The following ZNF804A variants were observed in gnomAD, a reference collection of about 807,000 sequenced individuals.
ZNF804A encodes zinc finger protein 804A.
Under a neutral mutation model 16.5 loss-of-function variants are expected in ZNF804A, and 2 were observed. The ratio of observed to expected loss-of-function variants is 0.12; its 90% CI spans 0.05 to 0.38. The LOEUF (loss-of-function observed/expected upper bound fraction) is 0.38, where lower values mean the gene tolerates loss of function less well. Ranked by LOEUF, ZNF804A falls within the 10% of genes least tolerant of loss-of-function variation. ZNF804A has a pLI of 0.99. For missense variants in ZNF804A, 1,473 were observed against 1,390.7 expected (o/e 1.06, Z -0.94); for synonymous variants, 534 against 489.6 (o/e 1.09, Z -1.20).
chr2:184,827,215 A>T (rs1220403598), intron 1 of ZNF804A, among the ~76,000 whole-genome samples: 1 of 151,490 alleles, frequency 6.6e-6, no homozygotes, highest in African/African-American at 2.4e-5. Context: ...ATCTGGTTCT[A>T]TTATAGATGA....
chr2:184,625,453 T>A (rs1395784743), intron 1 of ZNF804A, among the ~76,000 whole-genome samples: 1 of 152,096 alleles, frequency 6.6e-6, no homozygotes. Context: ...GATCTATGTT[T>A]TCAGTGTAAT....
At chr2:184,604,873 A>T (rs973894293) in intron 1 of ZNF804A, among the ~76,000 whole-genome samples, 2 of 152,160 alleles carry the variant, frequency 1.3e-5, no homozygotes, top group African/African-American at 4.8e-5. Context: ...AATATCTAGG[A>T]TCTCTATCAT....
At chr2:184,894,266 A>G (rs2105823884) in intron 2 of ZNF804A, among the ~76,000 whole-genome samples, 1 of 152,308 alleles carries the variant, frequency 6.6e-6, no homozygotes, top group Non-Finnish European at 1.5e-5. Context: ...CATGCCATTA[A>G]GAAAAATCAA....
At chr2:184,865,925 A>G (rs980473622) in intron 1 of ZNF804A, among the ~76,000 whole-genome samples, 5 of 152,226 alleles carry the variant, frequency 3.3e-5, no homozygotes, top group Non-Finnish European at 7.3e-5. Context: ...TGAAACAAAC[A>G]AAATACAAAA....
intron 2 of ZNF804A, among the ~76,000 whole-genome samples, chr2:184,889,275 A>G (rs185421542): frequency 6.6e-6 from 1 of 152,054 alleles, no homozygotes; most frequent in East Asian, 1.9e-4. Context: ...GGATCTGAAA[A>G]TGAATATGAA....
At chr2:184,616,015 G>A (rs1691313563) in intron 1 of ZNF804A, among the ~76,000 whole-genome samples, 1 of 152,028 alleles carries the variant, frequency 6.6e-6, no homozygotes, top group African/African-American at 2.4e-5. Context: ...GATTCAACAG[G>A]GTCACCTTTG....
intron 1 of ZNF804A, among the ~76,000 whole-genome samples, chr2:184,654,773 C>A (rs1291434775): frequency 6.6e-6 from 1 of 152,148 alleles, no homozygotes; most frequent in Admixed American, 6.5e-5. Flanking sequence ...TCATGGTCAT[C>A]ATGTTAAGAA....
chr2:184,782,975 T>C (rs1694394274), intron 1 of ZNF804A, among the ~76,000 whole-genome samples: 1 of 150,842 alleles, frequency 6.6e-6, no homozygotes, highest in African/African-American at 2.4e-5. Context: ...AAATCTCATA[T>C]AGCTAGATGT....
intron 1 of ZNF804A, among the ~76,000 whole-genome samples, chr2:184,660,573 T>C (rs1357830214): frequency 1.3e-5 from 2 of 152,250 alleles, no homozygotes; most frequent in Non-Finnish European, 2.9e-5. Flanking sequence ...CTGAACACAA[T>C]TCTTCAATTA....
At chr2:184,632,569 T>C (rs1691630935) in intron 1 of ZNF804A, among the ~76,000 whole-genome samples, 1 of 152,172 alleles carries the variant, frequency 6.6e-6, no homozygotes, top group Non-Finnish European at 1.5e-5. Flanking sequence ...CTAATTTTTG[T>C]ATTTTTTAGT....
intron 1 of ZNF804A, among the ~76,000 whole-genome samples, chr2:184,734,483 C>G (rs1693577759): frequency 6.6e-6 from 1 of 151,938 alleles, no homozygotes; most frequent in Non-Finnish European, 1.5e-5. Context: ...TCCAGCTATC[C>G]ATCTGTTACT....
At chr2:184,790,780 T>C (rs1694527646) in intron 1 of ZNF804A, among the ~76,000 whole-genome samples, 1 of 151,968 alleles carries the variant, frequency 6.6e-6, no homozygotes, top group African/African-American at 2.4e-5. Context: ...ATTTTTTGTA[T>C]TTTTAGTAGA....
intron 1 of ZNF804A, among the ~76,000 whole-genome samples, chr2:184,809,005 T>A (rs948310399): frequency 6.6e-6 from 1 of 151,784 alleles, no homozygotes; most frequent in African/African-American, 2.4e-5. Flanking sequence ...ATAAATCCAG[T>A]CTCAATGCAA....
chr2:184,696,089 C>T (rs1251155656), intron 1 of ZNF804A, among the ~76,000 whole-genome samples: 3 of 152,018 alleles, frequency 2.0e-5, no homozygotes, highest in African/African-American at 4.8e-5. Flanking sequence ...AATGTAATTT[C>T]GGAGACACTG....
chr2:184,801,179 A>G (rs879219181), intron 1 of ZNF804A, among the ~76,000 whole-genome samples: 1 of 152,052 alleles, frequency 6.6e-6, no homozygotes, highest in Non-Finnish European at 1.5e-5. Context: ...AATTGTCTAC[A>G]ATTCTTGTTC....
chr2:184,748,043 G>A (rs1693820644), intron 1 of ZNF804A, among the ~76,000 whole-genome samples: 1 of 151,318 alleles, frequency 6.6e-6, no homozygotes, highest in Non-Finnish European at 1.5e-5. Flanking sequence ...ACTATTGATA[G>A]GCACTTTGGT....
At chr2:184,809,598 T>C (rs1370444218) in intron 1 of ZNF804A, among the ~76,000 whole-genome samples, 1 of 151,864 alleles carries the variant, frequency 6.6e-6, no homozygotes, top group Non-Finnish European at 1.5e-5. Context: ...ATTTTACTTA[T>C]AAATATTATT....
chr2:184,874,499 A>G (rs1366845), intron 2 of ZNF804A, among the ~76,000 whole-genome samples: 7,668 of 152,208 alleles, frequency 0.05, 255 homozygotes, highest in Middle Eastern at 0.078. Flanking sequence ...GGGAAATACT[A>G]ACTCAGTAGT....
At chr2:184,764,215 T>C (rs914398676) in intron 1 of ZNF804A, among the ~76,000 whole-genome samples, 51 of 152,134 alleles carry the variant, frequency 3.4e-4, no homozygotes, top group African/African-American at 1.2e-3. Context: ...ATTTTTTTTT[T>C]CTGGTCTACA....
Sources: gnomAD v4.1 joint callset for allele counts (sites outside exome capture counted in the v4.1 genomes callset) on GRCh38, gnomAD v4.1.1 for gene constraint, MANE v1.5 for transcripts, NCBI Gene and HGNC (gene_info 2026-07-23, HGNC 2026-07-21) for gene names.